SDK1: variants seen among roughly 807,000 people sequenced by gnomAD.
SDK1 encodes sidekick cell adhesion molecule 1, also known as protein sidekick-1.
SDK1 carries 157 observed loss-of-function variants against 245.5 expected under a neutral mutation model. That is an observed-to-expected ratio of 0.64 (90% CI 0.56 to 0.73). The LOEUF (loss-of-function observed/expected upper bound fraction) is 0.73, where lower values mean the gene tolerates loss of function less well. Ranked by LOEUF, SDK1 falls within the 30% of genes least tolerant of loss-of-function variation. SDK1 has a pLI of 0.00. For missense variants in SDK1, 3,583 were observed against 3,002.3 expected (o/e 1.19, Z -4.52); for synonymous variants, 1,647 against 1,278.5 (o/e 1.29, Z -6.15).
chr7:3,618,566 A>C (rs577006672), intron 1 of SDK1, among the ~76,000 whole-genome samples: 88 of 152,336 alleles, frequency 5.8e-4, no homozygotes, highest in African/African-American at 2.1e-3. Flanking sequence ...GTTGTATCCC[A>C]TTGAAAGTCA....
chr7:4,254,383 A>C (rs1047713071), intron 44 of SDK1, among the ~76,000 whole-genome samples: 1 of 152,188 alleles, frequency 6.6e-6, no homozygotes, highest in African/African-American at 2.4e-5. Flanking sequence ...TTCTTCTGCC[A>C]GCTCAAGTCT....
At chr7:3,519,860 G>A (rs1271462903) in intron 1 of SDK1, among the ~76,000 whole-genome samples, 1 of 152,110 alleles carries the variant, frequency 6.6e-6, no homozygotes, top group Non-Finnish European at 1.5e-5. Flanking sequence ...TTAGTAAAAA[G>A]GATGTTAGTA....
At chr7:3,782,599 A>C (rs1780779576) in intron 4 of SDK1, among the ~76,000 whole-genome samples, 1 of 152,212 alleles carries the variant, frequency 6.6e-6, no homozygotes, top group African/African-American at 2.4e-5. Flanking sequence ...AAGGAGTACC[A>C]ATACTACCAT....
In SDK1 at chr7:4,268,425, C is replaced by G. The variant is rs1309656554; in HGVS notation, c.*3041C>G. The G allele has an allele frequency of 3.6e-6, 4 of 1,109,190 alleles. No individual in the cohort carries two copies. The highest frequency in any genetic ancestry group is 4.5e-6 in the Non-Finnish European group (4 of 897,782). 68.7% of individuals were successfully genotyped at this position (1,109,190 alleles called of 1,614,324 possible). ...CCCAAGCCCCTCTCCCCAGCCTCGC[C>G]TTCAGCCTCTCTCCCAGCCTGCTTT... On this transcript the variant is annotated 3_prime_UTR_variant, in exon 45 of 45. Coordinates refer to ENST00000404826, the MANE Select transcript of SDK1 (RefSeq NM_152744.4).
At chr7:4,128,512 A>G (rs912227003) in intron 26 of SDK1, among the ~76,000 whole-genome samples, 5 of 152,232 alleles carry the variant, frequency 3.3e-5, no homozygotes, top group Non-Finnish European at 7.3e-5. Flanking sequence ...GAAGGTGGGC[A>G]TTGAGTGAGG....
At chr7:3,778,849 G>A (rs901030434) in intron 4 of SDK1, among the ~76,000 whole-genome samples, 30 of 152,154 alleles carry the variant, frequency 2.0e-4, no homozygotes, top group Admixed American at 7.9e-4. Flanking sequence ...ATTATAGACC[G>A]CCTTTCCAGT....
At position 3,581,138 on chromosome 7, in the gene SDK1, G is replaced by T. The variant is rs900868355; in HGVS notation, c.299-37942G>T. Among the ~76,000 whole-genome samples the T allele has an allele frequency of 2.6e-5, 4 of 152,088 alleles. No homozygotes were observed. The East Asian group carries it at 7.7e-4, about 29-fold the overall frequency. On this transcript the variant is annotated intron_variant, in intron 1 of 44. Transcript: ENST00000404826. ...GATCTAATTAAACTTAATAGCTTTT[G>T]CAGAGCAAAATAAACTATCAACAGA...
At chr7:3,839,629 G>A (rs887828636) in intron 5 of SDK1, among the ~76,000 whole-genome samples, 2 of 152,108 alleles carry the variant, frequency 1.3e-5, no homozygotes, top group Admixed American at 6.5e-5. Flanking sequence ...AATTTACCTA[G>A]AAGTAATATC....
chr7:3,434,118 G>A (rs545118701), intron 1 of SDK1, among the ~76,000 whole-genome samples: 5 of 152,118 alleles, frequency 3.3e-5, no homozygotes, highest in Non-Finnish European at 5.9e-5. Flanking sequence ...CTTATGACCT[G>A]TTCTTGCTGG....
chr7:3,350,292 G>A (rs57585396), intron 1 of SDK1, among the ~76,000 whole-genome samples: 22,620 of 151,262 alleles, frequency 0.15, 2,679 homozygotes, highest in African/African-American at 0.33. Flanking sequence ...CTGTGTGGGC[G>A]TTATTTATTT....
At chr7:3,694,021 GT>G (rs773877612) in intron 4 of SDK1, among the ~76,000 whole-genome samples, 1 of 152,040 alleles carries the variant, frequency 6.6e-6, no homozygotes, top group Non-Finnish European at 1.5e-5. Context: ...GTGGCATTTT[GT>G]TTGTATCTTT....
At chr7:3,445,231 G>C (rs1406437594) in intron 1 of SDK1, among the ~76,000 whole-genome samples, 2 of 152,008 alleles carry the variant, frequency 1.3e-5, no homozygotes, top group Non-Finnish European at 2.9e-5. Flanking sequence ...TTAACACTTG[G>C]GTTTCAGCTG....
intron 22 of SDK1, among the ~76,000 whole-genome samples, chr7:4,091,914 C>T (rs35959588): frequency 0.023 from 3,504 of 152,256 alleles, 120 homozygotes; most frequent in African/African-American, 0.079. Context: ...CTTCTCTCCA[C>T]GTGCCACCTT....
intron 4 of SDK1, among the ~76,000 whole-genome samples, chr7:3,744,681 G>A (rs918336812): frequency 1.3e-5 from 2 of 151,836 alleles, no homozygotes; most frequent in Non-Finnish European, 2.9e-5. Flanking sequence ...GCGTGGTGGC[G>A]GGTGCCTGTA....
chr7:3,662,611 C>T (rs547351418), intron 4 of SDK1, among the ~76,000 whole-genome samples: 6 of 152,230 alleles, frequency 3.9e-5, no homozygotes, highest in Middle Eastern at 3.4e-3. Context: ...GGCTTGGGTT[C>T]GGAGAAATGG....
chr7:3,494,908 T>TTCTC (rs1327482940), intron 1 of SDK1, among the ~76,000 whole-genome samples: 1 of 152,224 alleles, frequency 6.6e-6, no homozygotes, highest in African/African-American at 2.4e-5. Flanking sequence ...ATGTGTCTCC[T>TTCTC]TCTCTCTATC....
At chr7:3,850,076 A>G (rs887672969) in intron 5 of SDK1, among the ~76,000 whole-genome samples, 3 of 152,240 alleles carry the variant, frequency 2.0e-5, no homozygotes, top group Non-Finnish European at 2.9e-5. Flanking sequence ...GTAGGCTTCT[A>G]TACTTACAAG....
chr7:4,267,575 C>G lies in SDK1; in HGVS notation c.*2191C>G. ...TTGGAAGAGAAGCGATAAATGGAGACCATGGCCAGCGCTGCTTTCTGTGCA... is the reference window on the plus strand; with the variant it reads ...TTGGAAGAGAAGCGATAAATGGAGAGCATGGCCAGCGCTGCTTTCTGTGCA... On this transcript the variant is annotated 3_prime_UTR_variant, in exon 45 of 45. Coordinates refer to ENST00000404826, the MANE Select transcript of SDK1 (RefSeq NM_152744.4). 2 of 985,470 alleles carry G rather than the reference C, an allele frequency of 2.0e-6. No individual in the cohort carries two copies. The highest frequency in any genetic ancestry group is 2.4e-6 in the Non-Finnish European group (2 of 829,958). 61.0% of individuals were successfully genotyped at this position (985,470 alleles called of 1,614,324 possible).
chr7:3,979,031 A>G (rs1375841910), intron 13 of SDK1, among the ~76,000 whole-genome samples: 1 of 152,198 alleles, frequency 6.6e-6, no homozygotes, highest in Admixed American at 6.5e-5. Flanking sequence ...CCCCACACCC[A>G]CATCACACCC....
Sources: gnomAD v4.1 joint callset for allele counts (sites outside exome capture counted in the v4.1 genomes callset) on GRCh38, gnomAD v4.1.1 for gene constraint, MANE v1.5 for transcripts, NCBI Gene and HGNC (gene_info 2026-07-23, HGNC 2026-07-21) for gene names.